Variants in ATRX observed in about 807,000 individuals in gnomAD.
ATRX encodes chromatin remodeler ATRX.
ATRX carries 12 observed loss-of-function variants against 172.6 expected under a neutral mutation model. The ratio of observed to expected loss-of-function variants is 0.07; its 90% CI spans 0.04 to 0.11. The LOEUF is 0.11. Ranked by LOEUF, ATRX falls within the 10% of genes least tolerant of loss-of-function variation. The pLI, the probability that ATRX is intolerant of heterozygous loss-of-function variation, is 1.00. For synonymous variants in ATRX, 674 were observed against 594.7 expected (o/e 1.13, Z -1.94); for missense variants, 1,368 against 1,767.4 (o/e 0.77, Z 4.05).
intron 2 of ATRX, among the ~76,000 whole-genome samples, chrX:77,711,758 C>T (rs1226837129): frequency 1.8e-5 from 2 of 112,100 alleles, no homozygotes; most frequent in African/African-American, 6.5e-5. Flanking sequence ...TCACTTGAAC[C>T]CGGGAGGTGG....
chrX:77,664,637 G>A lies in ATRX; in HGVS notation c.3943+8C>T, dbSNP rs1557125060. 2.5e-6 allele frequency: 3 copies of A among 1,208,659 alleles called. No individual in the cohort carries two copies. The African/African-American group carries it at 5.3e-5, about 21-fold the overall frequency. On this transcript the variant is annotated splice_region_variant and intron_variant, in intron 11 of 34. Coordinates refer to ENST00000373344, the MANE Select transcript of ATRX (RefSeq NM_000489.6). ...ATGACATTATAAACTTCTCTCTGGGGAGCTCACCCTCATCTCCTGGGTTTT... is the reference window on the plus strand; with the variant it reads ...ATGACATTATAAACTTCTCTCTGGGAAGCTCACCCTCATCTCCTGGGTTTT...
At chrX:77,560,994 G>T (rs2065000123) in intron 28 of ATRX, among the ~76,000 whole-genome samples, 1 of 110,514 alleles carries the variant, frequency 9.0e-6, no homozygotes, top group South Asian at 3.9e-4. Context: ...AAGAAAAGCA[G>T]AATATAGAGC....
intron 30 of ATRX, among the ~76,000 whole-genome samples, chrX:77,528,196 C>G (rs182832258): frequency 1.8e-5 from 2 of 111,123 alleles, no homozygotes; most frequent in Non-Finnish European, 3.8e-5. Flanking sequence ...TGTAGCCAGA[C>G]TGCTTCTTTG....
intron 2 of ATRX, among the ~76,000 whole-genome samples, chrX:77,702,304 G>T (rs373527329): frequency 8.9e-6 from 1 of 111,792 alleles, no homozygotes; most frequent in African/African-American, 3.3e-5. Context: ...TTAGCTGGGC[G>T]TGGTGGCAGG....
chrX:77,686,945 G>A (rs1349673791), intron 7 of ATRX, among the ~76,000 whole-genome samples: 2 of 108,475 alleles, frequency 1.8e-5, no homozygotes, highest in Non-Finnish European at 3.8e-5. Context: ...CTTGAGGTCA[G>A]GAGTTCAAGA....
chrX:77,726,684 C>T (rs1299209194), intron 1 of ATRX, among the ~76,000 whole-genome samples: 2 of 111,395 alleles, frequency 1.8e-5, no homozygotes, highest in Non-Finnish European at 3.8e-5. Context: ...CACATAACTA[C>T]AAAAGGAGCT....
At chrX:77,726,367 G>C (rs1347987659) in intron 1 of ATRX, among the ~76,000 whole-genome samples, 2 of 106,000 alleles carry the variant, frequency 1.9e-5, no homozygotes, top group Non-Finnish European at 3.9e-5. Flanking sequence ...GCAAACTATC[G>C]CAAGGACAAA....
At chrX:77,728,791 G>A (rs1603283144) in intron 1 of ATRX, among the ~76,000 whole-genome samples, 1 of 87,364 alleles carries the variant, frequency 1.1e-5, no homozygotes, top group African/African-American at 4.4e-5. Flanking sequence ...TTGGAGTCTT[G>A]CTCTGTCGCC....
At chrX:77,651,104 A>T (rs938230932) in intron 15 of ATRX, among the ~76,000 whole-genome samples, 10 of 107,477 alleles carry the variant, frequency 9.3e-5, no homozygotes, top group Non-Finnish European at 1.9e-4. Context: ...GTAATCTCAG[A>T]TACTCAGGAG....
At chrX:77,598,105 A>G (rs1418858381) in intron 25 of ATRX, among the ~76,000 whole-genome samples, 1 of 112,168 alleles carries the variant, frequency 8.9e-6, no homozygotes, top group African/African-American at 3.2e-5. Context: ...CACAGCCACA[A>G]TAAAGAACAA....
At chrX:77,615,928 G>A in intron 22 of ATRX, 1 of 742,197 alleles carries the variant, frequency 1.3e-6, no homozygotes, top group Non-Finnish European at 1.6e-6. Context: ...CAGAATAAGT[G>A]ATCAACAAGT....
At chrX:77,660,567 A>AAAAT (rs1432298366) in intron 12 of ATRX, among the ~76,000 whole-genome samples, 6 of 109,587 alleles carry the variant, frequency 5.5e-5, no homozygotes, top group Non-Finnish European at 1.1e-4. Flanking sequence ...ACTCCGACTC[A>AAAAT]AAATAAATAA....
intron 22 of ATRX, among the ~76,000 whole-genome samples, chrX:77,612,259 G>A (rs1569530513): frequency 9.0e-6 from 1 of 111,528 alleles, no homozygotes. Context: ...CTAAAGAGTG[G>A]CACTTGGGTC....
chrX:77,583,800 T>A (rs1380071670), intron 27 of ATRX, among the ~76,000 whole-genome samples: 1 of 111,256 alleles, frequency 9.0e-6, no homozygotes, highest in African/African-American at 3.3e-5. Flanking sequence ...CTAGAGTAAT[T>A]AGACAAGAAC....
chrX:77,584,929 G>A (rs782679345), intron 27 of ATRX, among the ~76,000 whole-genome samples: 55 of 110,363 alleles, frequency 5.0e-4, no homozygotes, highest in Non-Finnish European at 1.5e-4. Context: ...ATTAATAACC[G>A]GAATATATAA....
chrX:77,755,078 G>GT (rs2075438253), intron 1 of ATRX, among the ~76,000 whole-genome samples: 1 of 112,089 alleles, frequency 8.9e-6, no homozygotes, highest in African/African-American at 3.2e-5. Flanking sequence ...CCTTATTTCA[G>GT]TAAGTTCATC....
rs1303543411 is a variant in ATRX at position 77,589,764 on chromosome X, C to A, written c.6217+70G>T. ...CTGGGTAGTTTTGTTTCTTTTGTTGCTAAAATGTTTGTATGGTATGTTTAA... is the reference window on the plus strand; with the variant it reads ...CTGGGTAGTTTTGTTTCTTTTGTTGATAAAATGTTTGTATGGTATGTTTAA... On this transcript the variant is annotated intron_variant, in intron 27 of 34. Coordinates refer to ENST00000373344, the MANE Select transcript of ATRX (RefSeq NM_000489.6). The A allele has an allele frequency of 7.1e-6, 7 of 983,242 alleles. No homozygotes were observed. In the African/African-American group the frequency reaches 1.3e-4, roughly 19 times the overall value. 81.0% of individuals were successfully genotyped at this position (983,242 alleles called of 1,213,427 possible).
intron 9 of ATRX, among the ~76,000 whole-genome samples, chrX:77,679,320 A>C (rs1436058909): frequency 9.0e-6 from 1 of 111,261 alleles, no homozygotes; most frequent in African/African-American, 3.3e-5. Context: ...TTCACCAAGC[A>C]GTTGAAGGAT....
intron 15 of ATRX, 148 bp downstream of exon 15, chrX:77,651,966 T>C (rs2069266318): frequency 1.9e-6 from 1 of 518,075 alleles, no homozygotes; most frequent in East Asian, 3.4e-5. Flanking sequence ...AAATTAAGGC[T>C]GGGTGTGTTG....
Sources: allele counts gnomAD v4.1 joint callset (sites outside exome capture counted in the v4.1 genomes callset), GRCh38; gene constraint gnomAD v4.1.1; transcripts MANE v1.5; gene names NCBI Gene and HGNC (gene_info 2026-07-23, HGNC 2026-07-21).